ADAMTS2: variants seen among roughly 807,000 people sequenced by gnomAD.
The protein encoded by ADAMTS2 is A disintegrin and metalloproteinase with thrombospondin motifs 2.
A neutral mutation model predicts 123.0 loss-of-function variants in ADAMTS2; 50 were observed. That is an observed-to-expected ratio of 0.41 (90% confidence interval 0.32 to 0.51). The LOEUF is 0.51. ADAMTS2 is among the 20% of genes least tolerant of loss of function. ADAMTS2 has a pLI of 0.35. For synonymous variants in ADAMTS2, 678 were observed against 695.4 expected (o/e 0.98, Z 0.39); for missense variants, 1,494 against 1,705.2 (o/e 0.88, Z 2.18).
chr5:179,243,150 G>GAAAA (rs34678289), intron 3 of ADAMTS2, among the ~76,000 whole-genome samples: 1 of 143,878 alleles, frequency 7.0e-6, no homozygotes, highest in Non-Finnish European at 1.5e-5. Context: ...TTATTTACTG[G>GAAAA]AAAAAAAAAA....
chr5:179,290,879 C>G (rs1756165920), intron 2 of ADAMTS2, among the ~76,000 whole-genome samples: 1 of 152,156 alleles, frequency 6.6e-6, no homozygotes, highest in African/African-American at 2.4e-5. Flanking sequence ...CCAGGAACAC[C>G]AGGGAGAACC....
At chr5:179,124,918 T>G (rs533657687) in intron 19 of ADAMTS2, 55 bp downstream of exon 19, 1 of 1,578,156 alleles carries the variant, frequency 6.3e-7, no homozygotes, top group South Asian at 1.1e-5. Context: ...CGCACCTGCA[T>G]GCCTGTCCAC....
Position 179,272,823 on chromosome 5 carries a change from A to C in ADAMTS2, c.688+88T>G. Reference sequence around the variant, plus strand: ...CCTCAGCAGCCAAGCTGGTCTGTGGAGAGCTGCCTGAGTCTCTGGGATGCT... The same window carrying C: ...CCTCAGCAGCCAAGCTGGTCTGTGGCGAGCTGCCTGAGTCTCTGGGATGCT... On this transcript the variant is annotated intron_variant, in intron 3 of 21. Transcript: ENST00000251582. This position sits in a 1 kb window ranked among gnomAD's most constrained non-coding sequence, Gnocchi z 5.8. 1.3e-6 allele frequency: 2 copies of C among 1,511,078 alleles called. No individual in the cohort carries two copies. Among genetic ancestry groups the C allele is most frequent in the East Asian group, 2.3e-5 (1 of 44,124 alleles). The allele number at this position is 1,511,078 out of a possible 1,614,324, so 93.6% of individuals were successfully genotyped here.
rs944100004 is a variant in ADAMTS2, at chr5:179,197,090, G to C, written c.891+10423C>G. On this transcript the variant is annotated intron_variant, in intron 4 of 21. Transcript: ENST00000251582. The surrounding 1 kb of genome is among the most constrained non-coding windows in gnomAD (Gnocchi z 4.2). Reference sequence around the variant, plus strand: ...ACCATCCAAAAAAGGGGCCACTTCAGGGGGAGATGCCTTACATCTGTCTGG... The same window carrying C: ...ACCATCCAAAAAAGGGGCCACTTCACGGGGAGATGCCTTACATCTGTCTGG... 6.6e-6 allele frequency among the ~76,000 whole-genome samples: 1 copy of C among 152,238 alleles called. No individual in the cohort carries two copies. The highest frequency in any genetic ancestry group is 1.5e-5 in the Non-Finnish European group (1 of 68,042).
chr5:179,297,298 G>C (rs1049728971), intron 2 of ADAMTS2, among the ~76,000 whole-genome samples: 3 of 152,122 alleles, frequency 2.0e-5, no homozygotes, highest in African/African-American at 7.2e-5. Flanking sequence ...TTACAAGCAT[G>C]GGGGAGCATT....
chr5:179,259,289 C>T (rs552742803), intron 3 of ADAMTS2, among the ~76,000 whole-genome samples: 5 of 152,196 alleles, frequency 3.3e-5, no homozygotes, highest in Non-Finnish European at 1.5e-5. Context: ...CCAGTGACTG[C>T]GGGCTCACTC....
chr5:179,311,759 T>C (rs1238171320), intron 2 of ADAMTS2, among the ~76,000 whole-genome samples: 2 of 152,112 alleles, frequency 1.3e-5, no homozygotes, highest in South Asian at 2.1e-4. Context: ...CCCTGGCCCC[T>C]ACCCTGCTCC....
rs997081609 is a variant in ADAMTS2, at chr5:179,152,405, G to A, written c.1516-150C>T. On this transcript the variant is annotated intron_variant, in intron 9 of 21. Transcript: ENST00000251582. ...GGCTGGTGGGTGTTGTGATTCTGGG[G>A]TGGTGAAGACCTTGCCCATACGGTG... 5 of 793,444 alleles carry A rather than the reference G, an allele frequency of 6.3e-6. No homozygotes were observed. In the African/African-American group the frequency reaches 8.5e-5, roughly 14 times the overall value. 49.2% of individuals were successfully genotyped at this position (793,444 alleles called of 1,614,324 possible).
Position 179,112,120 on chromosome 5 carries a change from T to A in ADAMTS2, c.*1747A>T, listed in dbSNP as rs886060486. 1.3e-5 allele frequency: 2 copies of A among 152,236 alleles called. 1 individual carries two copies. Among genetic ancestry groups the A allele is most frequent in the East Asian group, 3.8e-4 (2 of 5,196 alleles). 9.4% of individuals were successfully genotyped at this position (152,236 alleles called of 1,614,324 possible). On this transcript the variant is annotated 3_prime_UTR_variant, in exon 22 of 22. Coordinates refer to ENST00000251582, the MANE Select transcript of ADAMTS2 (RefSeq NM_014244.5). The stretch of plus-strand genomic sequence containing the variant: ...CACAGAGCCACCCACATGTGCAGCC[T>A]CAGACAAACATACTTATTAGCACCT...
At chr5:179,292,536 G>A (rs760425969) in intron 2 of ADAMTS2, among the ~76,000 whole-genome samples, 10 of 151,808 alleles carry the variant, frequency 6.6e-5, no homozygotes, top group Non-Finnish European at 1.5e-4. Context: ...TCCCCATGTG[G>A]GCTCATGAAT....
chr5:179,164,990 G>T (rs1453017838), intron 5 of ADAMTS2, among the ~76,000 whole-genome samples: 1 of 152,222 alleles, frequency 6.6e-6, no homozygotes, highest in Non-Finnish European at 1.5e-5. Flanking sequence ...CTGCGGCCCA[G>T]GAGGGAAGTC....
intron 2 of ADAMTS2, among the ~76,000 whole-genome samples, chr5:179,299,797 T>G (rs1338752840): frequency 1.3e-5 from 2 of 151,932 alleles, no homozygotes; most frequent in Non-Finnish European, 2.9e-5. Context: ...TGCCTCCATC[T>G]TCTACTTTTA....
intron 2 of ADAMTS2, among the ~76,000 whole-genome samples, chr5:179,287,729 C>T (rs1561690301): frequency 6.6e-6 from 1 of 152,220 alleles, no homozygotes; most frequent in Non-Finnish European, 1.5e-5. Flanking sequence ...CTCCTTCCCA[C>T]AGCGGGTGCT....
Position 179,217,840 on chromosome 5 carries a change from A to ACTGGGGGATG in ADAMTS2, c.689-10126_689-10125insCATCCCCCAG, listed in dbSNP as rs1765031999. On this transcript the variant is annotated intron_variant, in intron 3 of 21. Transcript: ENST00000251582. Reference sequence around the variant, plus strand: ...ACTAGGGGATGGCCTGAGGGCAGACAGGCACACTCACTAGGTAGGGGATGG... The same window carrying ACTGGGGGATG: ...ACTAGGGGATGGCCTGAGGGCAGACACTGGGGGATGGGCACACTCACTAGGTAGGGGATGG... Among the ~76,000 whole-genome samples, 3 of 99,534 alleles carry ACTGGGGGATG rather than the reference A, an allele frequency of 3.0e-5. No individual in the cohort carries two copies. In the Admixed American group the frequency reaches 3.3e-4, roughly 11 times the overall value. The allele number at this position is 99,534 out of a possible 152,430, so 65.3% of individuals were successfully genotyped here. A position where few individuals can be genotyped will look rare whatever the true frequency, so the allele number is the denominator to read the frequency against.
At chr5:179,333,201 A>T (rs1757524810) in intron 2 of ADAMTS2, among the ~76,000 whole-genome samples, 1 of 152,024 alleles carries the variant, frequency 6.6e-6, no homozygotes. Flanking sequence ...CCCCCATGGA[A>T]TTCCCTTTGA....
chr5:179,341,373 GA>G, intron 2 of ADAMTS2: 1 of 374,876 alleles, frequency 2.7e-6, no homozygotes, highest in Non-Finnish European at 5.2e-6. Flanking sequence ...AGGAAGGAAG[GA>G]AGGAAAGAGA....
In ADAMTS2 at chr5:179,183,238, G is replaced by A. The variant is rs75192443; in HGVS notation, c.892-2083C>T. ...TTAAAAGCCAGTTTTTCTTAAGAGA[G>A]AAGGGGTTTCTGTAATTGTCCACAG... On this transcript the variant is annotated intron_variant, in intron 4 of 21. Coordinates refer to ENST00000251582, the MANE Select transcript of ADAMTS2 (RefSeq NM_014244.5). 5.9e-5 allele frequency among the ~76,000 whole-genome samples: 9 copies of A among 152,332 alleles called. No homozygotes were observed. In the East Asian group the frequency reaches 1.5e-3, roughly 26 times the overall value.
chr5:179,342,834 G>T (rs573162398), intron 2 of ADAMTS2, among the ~76,000 whole-genome samples: 44 of 152,292 alleles, frequency 2.9e-4, no homozygotes, highest in African/African-American at 1.0e-3. Context: ...CCTCAGCATC[G>T]ATCCAGGCTT....
chr5:179,216,083 A>T (rs1764972107), intron 3 of ADAMTS2, among the ~76,000 whole-genome samples: 1 of 152,262 alleles, frequency 6.6e-6, no homozygotes, highest in Admixed American at 6.5e-5. Flanking sequence ...AGTAAGACAC[A>T]GATATAGAAA....
Sources: allele counts gnomAD v4.1 joint callset (sites outside exome capture counted in the v4.1 genomes callset), GRCh38; gene constraint gnomAD v4.1.1; non-coding constraint Gnocchi (gnomAD v3.1); transcripts MANE v1.5; gene names NCBI Gene and HGNC (gene_info 2026-07-23, HGNC 2026-07-21).